Variants in RTL4 observed in about 807,000 individuals in gnomAD.
RTL4 encodes the protein retrotransposon Gag like 4.
RTL4 carries 4 observed loss-of-function variants against 5.3 expected under a neutral mutation model. That is an observed-to-expected ratio of 0.75 (90% CI 0.37 to 1.72). The LOEUF is 1.72. Among genes scored for constraint, RTL4 ranks in the 40% most tolerant of loss-of-function variants. The pLI, the probability that RTL4 is intolerant of heterozygous loss-of-function variation, is 0.04. For synonymous variants in RTL4, 98 were observed against 87.3 expected, an observed-to-expected ratio of 1.12 and a Z score of -0.68; for missense variants, 260 against 227.1, an observed-to-expected ratio of 1.14 and a Z score of -0.93.
the RTL4 span, among the ~76,000 whole-genome samples, chrX:112,197,212 A>G: frequency 1.8e-5 from 2 of 109,937 alleles, no homozygotes; most frequent in East Asian, 5.8e-4. Flanking sequence ...ATGAAAAAAA[A>G]AAAAGCTCAA....
chrX:112,123,568 G>A, the RTL4 span, among the ~76,000 whole-genome samples: 2 of 112,060 alleles, frequency 1.8e-5, no homozygotes. Flanking sequence ...TTACTGAATA[G>A]GAGATCCTTT....
the RTL4 span, chrX:112,381,846 T>G: frequency 3.3e-6 from 4 of 1,208,326 alleles, no homozygotes; most frequent in African/African-American, 1.7e-5. Context: ...GAGAAAAGAT[T>G]ACTGGAGAAA....
At chrX:112,321,037 G>A in the RTL4 span, among the ~76,000 whole-genome samples, 28 of 111,319 alleles carry the variant, frequency 2.5e-4, no homozygotes, top group African/African-American at 8.5e-4. Flanking sequence ...TCTTGGGTTT[G>A]TAAGGCCTGC....
the RTL4 span, among the ~76,000 whole-genome samples, chrX:112,139,352 A>T: frequency 1.8e-5 from 2 of 111,704 alleles, no homozygotes; most frequent in Non-Finnish European, 3.8e-5. Context: ...CCAACACACA[A>T]GGGGAGATAA....
the RTL4 span, among the ~76,000 whole-genome samples, chrX:112,404,199 A>G: frequency 8.9e-6 from 1 of 111,770 alleles, no homozygotes; most frequent in South Asian, 3.8e-4. Context: ...TTCTTATGAC[A>G]TTGAGGATGA....
the RTL4 span, among the ~76,000 whole-genome samples, chrX:112,316,627 C>T: frequency 8.9e-6 from 1 of 111,938 alleles, no homozygotes; most frequent in Non-Finnish European, 1.9e-5. Context: ...AAACGTTGCA[C>T]TACCTCTTCT....
At chrX:112,309,795 CACACACACATAT>C in the RTL4 span, among the ~76,000 whole-genome samples, 4 of 106,467 alleles carry the variant, frequency 3.8e-5, no homozygotes, top group Admixed American at 4.1e-4. Flanking sequence ...TATATATACA[CACACACACATAT>C]ACACACACAT....
At chrX:112,442,869 G>C in the RTL4 span, among the ~76,000 whole-genome samples, 4 of 111,415 alleles carry the variant, frequency 3.6e-5, no homozygotes, top group African/African-American at 1.3e-4. Context: ...ATGGAACATG[G>C]GGTATCCCTC....
chrX:112,241,100 G>T, the RTL4 span, among the ~76,000 whole-genome samples: 2 of 111,294 alleles, frequency 1.8e-5, no homozygotes, highest in Non-Finnish European at 3.8e-5. Context: ...CCAAGTCTTT[G>T]CTATTGTGAA....
the RTL4 span, among the ~76,000 whole-genome samples, chrX:112,224,797 G>T: frequency 9.0e-6 from 1 of 111,504 alleles, no homozygotes; most frequent in East Asian, 2.8e-4. Context: ...ATTTGTAGGT[G>T]GGAGTTCAAT....
At chrX:112,381,810 G>T in the RTL4 span, 2 of 1,209,018 alleles carry the variant, frequency 1.7e-6, no homozygotes, top group Non-Finnish European at 2.2e-6. Context: ...GCAAAGACAC[G>T]GGAAGTACAG....
chrX:112,212,179 A>T, the RTL4 span, among the ~76,000 whole-genome samples: 2 of 111,799 alleles, frequency 1.8e-5, no homozygotes, highest in Non-Finnish European at 3.8e-5. Flanking sequence ...GATCAAGACC[A>T]TCCTGGCGAA....
chrX:112,264,056 G>A, the RTL4 span, among the ~76,000 whole-genome samples: 2 of 111,574 alleles, frequency 1.8e-5, no homozygotes, highest in Non-Finnish European at 3.8e-5. Flanking sequence ...AAGAGGCTTA[G>A]GCATCCCTGG....
chrX:112,162,538 A>G, the RTL4 span, among the ~76,000 whole-genome samples: 58 of 111,792 alleles, frequency 5.2e-4, no homozygotes, highest in Non-Finnish European at 8.3e-4. Flanking sequence ...TGTCTACAGT[A>G]CTTTCCAGCA....
chrX:112,165,132 G>T, the RTL4 span, among the ~76,000 whole-genome samples: 1 of 111,759 alleles, frequency 8.9e-6, no homozygotes, highest in Non-Finnish European at 1.9e-5. Context: ...GCCTCGCGCG[G>T]TCATGGCTAT....
chrX:112,191,734 A>G, the RTL4 span, among the ~76,000 whole-genome samples: 12 of 111,676 alleles, frequency 1.1e-4, no homozygotes, highest in Admixed American at 2.9e-4. Context: ...TGCAAATGTG[A>G]CCTTCATCCC....
upstream of RTL4, among the ~76,000 whole-genome samples, chrX:112,452,771 C>T (rs1926762719): frequency 8.9e-6 from 1 of 111,818 alleles, no homozygotes; most frequent in African/African-American, 3.2e-5. Context: ...GTGGCTCACA[C>T]CTGTAATCCC....
the RTL4 span, among the ~76,000 whole-genome samples, chrX:112,388,511 C>T: frequency 8.9e-6 from 1 of 112,127 alleles, no homozygotes; most frequent in East Asian, 2.8e-4. Flanking sequence ...GAAATGCTTC[C>T]AGTTTTTACC....
At chrX:112,368,538 C>A in the RTL4 span, among the ~76,000 whole-genome samples, 2 of 111,190 alleles carry the variant, frequency 1.8e-5, no homozygotes, top group Non-Finnish European at 3.8e-5. Flanking sequence ...TGGGCAATGT[C>A]TGGAGACATT....
Sources: gnomAD v4.1 joint callset for allele counts (sites outside exome capture counted in the v4.1 genomes callset) on GRCh38, gnomAD v4.1.1 for gene constraint, MANE v1.5 for transcripts, NCBI Gene and HGNC (gene_info 2026-07-23, HGNC 2026-07-21) for gene names.